The following GRIA4 variants were observed in gnomAD, a reference collection of about 807,000 sequenced individuals.
GRIA4 encodes glutamate ionotropic receptor AMPA type subunit 4.
A neutral mutation model predicts 104.0 loss-of-function variants in GRIA4; 34 were observed. That is an observed-to-expected ratio of 0.33 (90% CI 0.25 to 0.44). The LOEUF (loss-of-function observed/expected upper bound fraction) is 0.44. Among genes scored for constraint, GRIA4 ranks in the 20% least tolerant of loss-of-function variants. The pLI is 1.00. For missense variants in GRIA4, 750 were observed against 1,096.5 expected (o/e 0.68, Z 4.46); for synonymous variants, 386 against 381.9 (o/e 1.01, Z -0.13).
At chr11:105,879,029 C>T (rs1356426963) in intron 5 of GRIA4, among the ~76,000 whole-genome samples, 4 of 152,276 alleles carry the variant, frequency 2.6e-5, no homozygotes, top group South Asian at 4.2e-4. Flanking sequence ...TGTAGACACC[C>T]GAGGGAATCT....
chr11:105,656,180 G>A (rs1951839211), intron 3 of GRIA4, among the ~76,000 whole-genome samples: 1 of 151,954 alleles, frequency 6.6e-6, no homozygotes, highest in Non-Finnish European at 1.5e-5. Flanking sequence ...TGATGAGGTT[G>A]TTTTTCCCTT....
chr11:105,972,850 C>T (rs1031583811), intron 15 of GRIA4, among the ~76,000 whole-genome samples: 6 of 152,042 alleles, frequency 3.9e-5, no homozygotes, highest in Non-Finnish European at 7.4e-5. Context: ...TCTTGGAATC[C>T]CCTTTTATTT....
At chr11:105,814,099 C>T (rs1483756821) in intron 4 of GRIA4, among the ~76,000 whole-genome samples, 1 of 151,990 alleles carries the variant, frequency 6.6e-6, no homozygotes, top group African/African-American at 2.4e-5. Flanking sequence ...GCAAAATGAG[C>T]AAGGAAGGAG....
chr11:105,732,851 T>C (rs1367438571), intron 3 of GRIA4, among the ~76,000 whole-genome samples: 2 of 152,188 alleles, frequency 1.3e-5, no homozygotes, highest in African/African-American at 4.8e-5. Context: ...TTCCTAAACA[T>C]AGGCCAGTTT....
At position 105,972,012 on chromosome 11, in the gene GRIA4, A is replaced by G. The variant is rs767162607; in HGVS notation, c.2393A>G (p.Lys798Arg). The change falls in exon 15 of 17, where the codon AAG becomes AGG. Residue 798 changes from lysine (K) to arginine (R), a missense_variant. Physicochemically the swap from Lys to Arg is conservative, Grantham distance 26. Coordinates refer to ENST00000282499, the MANE Select transcript of GRIA4 (RefSeq NM_000829.4). ...TACGATAAAGGTGAATGTGGACCCA[A>G]GGACTCTGGAAGCAAGGTCAGTCGC... ...WWYDKGECGP[K>R]DSGSKDKTSA... 1 of 1,611,048 alleles carries G rather than the reference A, an allele frequency of 6.2e-7. No homozygotes were observed. Among genetic ancestry groups the G allele is most frequent in the Admixed American group, 1.7e-5 (1 of 59,966 alleles).
chr11:105,789,722 T>C (rs1482090696), intron 4 of GRIA4, among the ~76,000 whole-genome samples: 1 of 152,160 alleles, frequency 6.6e-6, no homozygotes, highest in Admixed American at 6.6e-5. Context: ...TCTGTTGACA[T>C]TACTTAAAAG....
intron 3 of GRIA4, among the ~76,000 whole-genome samples, chr11:105,635,341 A>AG (rs1951176115): frequency 1.3e-5 from 2 of 152,164 alleles, no homozygotes; most frequent in Admixed American, 1.3e-4. Flanking sequence ...GTGACTTGGA[A>AG]GAAAAAAGTC....
chr11:105,875,938 T>C (rs969712254), intron 5 of GRIA4, among the ~76,000 whole-genome samples: 3 of 152,204 alleles, frequency 2.0e-5, no homozygotes, highest in African/African-American at 7.2e-5. Context: ...ATCTTAGTTA[T>C]TTCTTGTCTT....
At chr11:105,847,656 G>T (rs1329787824) in intron 4 of GRIA4, among the ~76,000 whole-genome samples, 1 of 152,032 alleles carries the variant, frequency 6.6e-6, no homozygotes, top group Non-Finnish European at 1.5e-5. Flanking sequence ...TTACAGAAAA[G>T]GTAATCCTAC....
chr11:105,803,826 T>C lies in GRIA4; in HGVS notation c.487+50606T>C, dbSNP rs145923111. Reference sequence around the variant, plus strand: ...GTTGGTAAATTGAATAGATAGGTGATTCTGATTGGTGCTATACCAAAAAAA... The same window carrying C: ...GTTGGTAAATTGAATAGATAGGTGACTCTGATTGGTGCTATACCAAAAAAA... On this transcript the variant is annotated intron_variant, in intron 4 of 16. Coordinates refer to ENST00000282499, the MANE Select transcript of GRIA4 (RefSeq NM_000829.4). Among the ~76,000 whole-genome samples, 1,322 of 145,190 alleles carry C rather than the reference T, an allele frequency of 9.1e-3. 28 individuals are homozygous for C. Among genetic ancestry groups the C allele is most frequent in the African/African-American group, 0.033 (1,257 of 38,362 alleles).
In GRIA4 at chr11:105,891,001, C is replaced by T. The variant is rs546366614; in HGVS notation, c.726+3429C>T. On this transcript the variant is annotated intron_variant, in intron 6 of 16. Coordinates refer to ENST00000282499, the MANE Select transcript of GRIA4 (RefSeq NM_000829.4). The stretch of plus-strand genomic sequence containing the variant: ...TATCGCAATAGGTTAAGCTCTGTTC[C>T]AAAAATTTCCCAGAGAAGTAGAGGC... 8.7e-4 allele frequency among the ~76,000 whole-genome samples: 132 copies of T among 152,234 alleles called. 1 individual carries two copies. Among genetic ancestry groups the T allele is most frequent in the African/African-American group, 3.1e-3 (127 of 41,546 alleles).
intron 4 of GRIA4, among the ~76,000 whole-genome samples, chr11:105,814,907 C>T (rs779925011): frequency 6.6e-6 from 1 of 152,022 alleles, no homozygotes; most frequent in African/African-American, 2.4e-5. Flanking sequence ...AATATATGGC[C>T]CAGAGTTGGA....
intron 4 of GRIA4, among the ~76,000 whole-genome samples, chr11:105,832,341 C>G (rs969725877): frequency 6.6e-6 from 1 of 151,306 alleles, no homozygotes; most frequent in Non-Finnish European, 1.5e-5. Context: ...TGAGGGTCTC[C>G]CAGAGACAAG....
At chr11:105,744,999 C>T (rs1019265221) in intron 3 of GRIA4, among the ~76,000 whole-genome samples, 2 of 151,948 alleles carry the variant, frequency 1.3e-5, no homozygotes, top group Non-Finnish European at 2.9e-5. Flanking sequence ...AATAGGTAAA[C>T]CTTTTAATAC....
At chr11:105,750,946 T>A (rs1412233511) in intron 3 of GRIA4, among the ~76,000 whole-genome samples, 1 of 152,108 alleles carries the variant, frequency 6.6e-6, no homozygotes, top group African/African-American at 2.4e-5. Context: ...TAGAAAAACA[T>A]AATTTAGAAG....
rs377728814 is a variant in GRIA4 at position 105,630,557 on chromosome 11, CTTCTAGGAAAAAA to C, written c.247+18124_247+18136del. Among the ~76,000 whole-genome samples, 163 of 151,714 alleles carry C rather than the reference CTTCTAGGAAAAAA, an allele frequency of 1.1e-3. 2 individuals carry two copies. Among genetic ancestry groups the C allele is most frequent in the African/African-American group, 3.8e-3 (155 of 41,298 alleles). On this transcript the variant is annotated intron_variant, in intron 3 of 16. Coordinates refer to ENST00000282499, the MANE Select transcript of GRIA4 (RefSeq NM_000829.4). ...CCAGCCTGAGAGACAAGCAAGACTC[CTTCTAGGAAAAAA>C]CAAAAAAAACAAAACACCAACTAAA...
chr11:105,936,766 T>C (rs999881411), intron 14 of GRIA4, among the ~76,000 whole-genome samples: 1 of 152,168 alleles, frequency 6.6e-6, no homozygotes, highest in Non-Finnish European at 1.5e-5. Context: ...AAGGATCATC[T>C]CAAACAGTAG....
At chr11:105,669,831 C>T (rs1952302902) in intron 3 of GRIA4, among the ~76,000 whole-genome samples, 1 of 152,070 alleles carries the variant, frequency 6.6e-6, no homozygotes. Context: ...TAACGAATTC[C>T]CTTAAGCTAA....
intron 3 of GRIA4, among the ~76,000 whole-genome samples, chr11:105,719,909 C>T (rs1296716247): frequency 1.3e-5 from 2 of 152,028 alleles, no homozygotes; most frequent in African/African-American, 4.8e-5. Context: ...CACATTTGCT[C>T]ACATTACTGT....
Sources: allele counts gnomAD v4.1 joint callset (sites outside exome capture counted in the v4.1 genomes callset), GRCh38; gene constraint gnomAD v4.1.1; transcripts MANE v1.5; gene names NCBI Gene and HGNC (gene_info 2026-07-23, HGNC 2026-07-21).